ANO1: variants seen among roughly 807,000 people sequenced by gnomAD.
The protein encoded by ANO1 is anoctamin 1, also known as anoctamin-1.
A neutral mutation model predicts 124.0 loss-of-function variants in ANO1; 59 were observed. That is an observed-to-expected ratio of 0.48 (90% CI 0.39 to 0.59). ANO1 has a LOEUF of 0.59. ANO1 is among the 20% of genes least tolerant of loss of function. ANO1 has a pLI of 0.00. For missense variants in ANO1, 1,059 were observed against 1,328.0 expected (o/e 0.80, Z 3.15); for synonymous variants, 529 against 532.0 (o/e 0.99, Z 0.08).
At chr11:70,053,653 T>C (rs1040234270) in intron 1 of ANO1, among the ~76,000 whole-genome samples, 2 of 152,234 alleles carry the variant, frequency 1.3e-5, no homozygotes, top group African/African-American at 4.8e-5. Context: ...GATATATGTA[T>C]ATTTATAAGA....
At chr11:70,183,079 A>C (rs943025352) in intron 24 of ANO1, among the ~76,000 whole-genome samples, 2 of 152,222 alleles carry the variant, frequency 1.3e-5, no homozygotes, top group African/African-American at 4.8e-5. Context: ...ACTGCACTCC[A>C]GCCTGGGCAA....
At chr11:70,049,747 G>C (rs1857323231) in intron 1 of ANO1, among the ~76,000 whole-genome samples, 1 of 152,036 alleles carries the variant, frequency 6.6e-6, no homozygotes, top group Non-Finnish European at 1.5e-5. Flanking sequence ...TTGAGGTGGA[G>C]TCTCACTCTG....
intron 16 of ANO1, among the ~76,000 whole-genome samples, chr11:70,158,748 T>A (rs948579326): frequency 1.3e-5 from 2 of 152,090 alleles, no homozygotes; most frequent in East Asian, 1.9e-4. Context: ...TTAGGTACAG[T>A]AAGAGGGACG....
chr11:70,140,913 G>C lies in ANO1; in HGVS notation c.1259-8797G>C, dbSNP rs375990867. ...GAATGCCTCACTTTCTGGGAATACA[G>C]CCCGGCAAGCCCCGGCCTCATTTTT... is the stretch of plus-strand genomic sequence containing the variant. On this transcript the variant is annotated intron_variant, in intron 11 of 25. Coordinates refer to ENST00000355303, the MANE Select transcript of ANO1 (RefSeq NM_018043.7). Among the ~76,000 whole-genome samples, 6 of 152,272 alleles carry C rather than the reference G, an allele frequency of 3.9e-5. No homozygotes were observed. The East Asian group carries it at 1.2e-3, about 29-fold the overall frequency.
rs538868114 is a variant in ANO1 at position 70,088,466 on chromosome 11, G to A, written c.441+382G>A. Among the ~76,000 whole-genome samples the A allele has an allele frequency of 9.1e-5, 13 of 142,140 alleles. No homozygotes were observed. The South Asian group carries it at 1.1e-3, about 12-fold the overall frequency. 93.2% of individuals were successfully genotyped at this position (142,140 alleles called of 152,430 possible). A position where few individuals can be genotyped will look rare whatever the true frequency, so the allele number is the denominator to read the frequency against. Reference sequence around the variant, plus strand: ...AGAGGTTGCAGTGAGCGGACATCACGCCACTGCACGCCAGCCTGGCGACAG... The same window carrying A: ...AGAGGTTGCAGTGAGCGGACATCACACCACTGCACGCCAGCCTGGCGACAG... On this transcript the variant is annotated intron_variant, in intron 2 of 25. Transcript: ENST00000355303.
chr11:70,157,921 A>C (rs2047881754), intron 16 of ANO1, among the ~76,000 whole-genome samples: 1 of 144,102 alleles, frequency 6.9e-6, no homozygotes. Context: ...TCGAGGCTGC[A>C]GTGAGCTGTG....
chr11:70,119,053 T>C lies in ANO1; in HGVS notation c.897+2554T>C, dbSNP rs1030970906. 4.3e-4 allele frequency among the ~76,000 whole-genome samples: 62 copies of C among 143,818 alleles called. 1 individual carries two copies. Among genetic ancestry groups the C allele is most frequent in the Non-Finnish European group, 1.5e-4 (10 of 66,040 alleles). 94.4% of individuals were successfully genotyped at this position (143,818 alleles called of 152,430 possible). A position where few individuals can be genotyped will look rare whatever the true frequency, so the allele number is the denominator to read the frequency against. The stretch of plus-strand genomic sequence containing the variant: ...TGATGGAAGGATGAATGATGGATGA[T>C]GGGTGGGTGAGCGGGTAGGTGAATT... On this transcript the variant is annotated intron_variant, in intron 8 of 25. Transcript: ENST00000355303.
At chr11:70,120,710 C>T (rs2046226181) in intron 8 of ANO1, among the ~76,000 whole-genome samples, 1 of 152,190 alleles carries the variant, frequency 6.6e-6, no homozygotes, top group Admixed American at 6.5e-5. Context: ...CAAGGACATA[C>T]ACCAATTAAA....
chr11:69,998,163 G>C lies in ANO1; in HGVS notation c.58+11997G>C, dbSNP rs187617791. 2.6e-5 allele frequency among the ~76,000 whole-genome samples: 4 copies of C among 152,248 alleles called. No homozygotes were observed. In the East Asian group the frequency reaches 7.7e-4, roughly 29 times the overall value. On this transcript the variant is annotated intron_variant, in intron 1 of 27. Coordinates refer to the ANO1 transcript ENST00000531349. ...TCTCCTGTATAGGACTTTGTAACTA[G>C]GTGTTTTAGACTGAGCTGTAATTTA...
intron 12 of ANO1, 127 bp downstream of exon 12, chr11:70,149,919 G>A (rs751840433): frequency 7.8e-5 from 80 of 1,021,892 alleles, no homozygotes; most frequent in Admixed American, 2.0e-4. Flanking sequence ...AGGCAAGGCC[G>A]CCCCCCATCC....
At chr11:70,153,858 C>T (rs1166301898) in intron 14 of ANO1, among the ~76,000 whole-genome samples, 2 of 152,058 alleles carry the variant, frequency 1.3e-5, no homozygotes, top group African/African-American at 4.8e-5. Context: ...CCCCGCCTCC[C>T]GGGTTCAAGC....
chr11:70,150,308 G>A (rs2047554172), intron 12 of ANO1, among the ~76,000 whole-genome samples: 1 of 152,170 alleles, frequency 6.6e-6, no homozygotes, highest in African/African-American at 2.4e-5. Context: ...GCCAGTGTTG[G>A]GCATCTTCAT....
chr11:70,098,032 C>CTAT (rs1363949529), intron 2 of ANO1, among the ~76,000 whole-genome samples: 5 of 152,350 alleles, frequency 3.3e-5, no homozygotes, highest in African/African-American at 1.2e-4. Context: ...CCCCAAAAGC[C>CTAT]TATTTATGGC....
intron 1 of ANO1, among the ~76,000 whole-genome samples, chr11:70,029,730 C>T (rs1856968391): frequency 6.6e-6 from 1 of 152,212 alleles, no homozygotes; most frequent in South Asian, 2.1e-4. Context: ...GGTGAGAAGT[C>T]TGGAATGAGA....
Position 70,085,797 on chromosome 11 carries a change from G to C in ANO1, c.109-1955G>C, listed in dbSNP as rs966955360. The C allele has an allele frequency of 3.2e-5, 39 of 1,209,274 alleles. No individual in the cohort carries two copies. The East Asian group carries it at 1.1e-3, about 33-fold the overall frequency. 74.9% of individuals were successfully genotyped at this position (1,209,274 alleles called of 1,614,324 possible). ...CCCCCACTGCAGTGCTGACTGTTTG[G>C]GGAGGGGCTCCACCCTCCGGCTTCC... On this transcript the variant is annotated intron_variant, in intron 1 of 25. Coordinates refer to ENST00000355303, the MANE Select transcript of ANO1 (RefSeq NM_018043.7).
chr11:70,139,152 C>T (rs1181392944), intron 11 of ANO1, among the ~76,000 whole-genome samples: 2 of 152,210 alleles, frequency 1.3e-5, no homozygotes, highest in East Asian at 1.9e-4. Flanking sequence ...GTATACGGAC[C>T]ACATATTCTT....
At chr11:70,054,937 C>G (rs561287492) in intron 1 of ANO1, among the ~76,000 whole-genome samples, 1 of 152,156 alleles carries the variant, frequency 6.6e-6, no homozygotes, top group Non-Finnish European at 1.5e-5. Context: ...TACCATAATA[C>G]GATATGGGAT....
chr11:70,185,644 G>T lies in ANO1; in HGVS notation c.2643G>T (p.Lys881Asn). ...PWSENKYDIS[K>N]DFWAVLAARL... ...CGGAAAACAAGTACGACATCTCCAA[G>T]GACTTCTGGGCCGTCCTGGCAGCCC... is the stretch of plus-strand genomic sequence containing the variant. Residue 881 changes from lysine (K) to asparagine (N), a missense_variant, in exon 25 of 26, where the codon AAG (lysine) becomes AAT (asparagine). Coordinates refer to ENST00000355303, the MANE Select transcript of ANO1 (RefSeq NM_018043.7). The T allele has an allele frequency of 6.2e-7, 1 of 1,613,964 alleles. No individual in the cohort carries two copies. Among genetic ancestry groups the T allele is most frequent in the Non-Finnish European group, 8.5e-7 (1 of 1,179,868 alleles).
At chr11:70,170,033 C>G (rs758603990) in intron 21 of ANO1, 7 of 396,390 alleles carry the variant, frequency 1.8e-5, no homozygotes, top group African/African-American at 1.4e-4. Flanking sequence ...AGAGGCAGCT[C>G]CCGGGTGGGA....
Sources: allele counts gnomAD v4.1 joint callset (sites outside exome capture counted in the v4.1 genomes callset), GRCh38; gene constraint gnomAD v4.1.1; transcripts MANE v1.5; gene names NCBI Gene and HGNC (gene_info 2026-07-23, HGNC 2026-07-21).